TOP2B: variants seen among roughly 807,000 people sequenced by gnomAD.
The protein encoded by TOP2B is DNA topoisomerase 2-beta.
In TOP2B, 51 loss-of-function variants were observed where a neutral mutation model predicts 193.5. That is an observed-to-expected ratio of 0.26 (90% CI 0.21 to 0.33). The LOEUF (loss-of-function observed/expected upper bound fraction) is 0.33. Among genes scored for constraint, TOP2B ranks in the 10% least tolerant of loss-of-function variants. TOP2B has a pLI of 1.00. For missense variants in TOP2B, 1,378 were observed against 1,909.3 expected, an observed-to-expected ratio of 0.72 and a Z score of 5.19; for synonymous variants, 634 against 635.7, an observed-to-expected ratio of 1.00 and a Z score of 0.04.
At chr3:25,663,177 A>G (rs751255344) in intron 1 of TOP2B, among the ~76,000 whole-genome samples, 2 of 152,196 alleles carry the variant, frequency 1.3e-5, no homozygotes, top group African/African-American at 2.4e-5. Flanking sequence ...CACCCTTTTT[A>G]TAAGAAGCAG....
At chr3:25,611,873 ATATACT>A (rs1324739728) in intron 28 of TOP2B, among the ~76,000 whole-genome samples, 4 of 151,966 alleles carry the variant, frequency 2.6e-5, no homozygotes, top group African/African-American at 7.3e-5. Context: ...TTTAAAGTTG[ATATACT>A]TATGGTTGGG....
At chr3:25,638,399 A>G (rs1458588561) in intron 4 of TOP2B, 89 bp from the exon 5 acceptor site, 1 of 1,344,030 alleles carries the variant, frequency 7.4e-7, no homozygotes, top group Non-Finnish European at 9.7e-7. Flanking sequence ...ATTCATTAAA[A>G]AGTAATCTAG....
Position 25,607,238 on chromosome 3 carries a change from C to A in TOP2B, c.4231G>T (p.Val1411Phe), listed in dbSNP as rs937253830. Residue 1411 changes from valine to phenylalanine, a missense_variant, in exon 31 of 36, where the codon GTT becomes TTT. This residue lies in a region of TOP2B where 556 missense variants were observed against 584.2 expected (regional missense o/e 0.95). Transcript: ENST00000264331. ...TCTTTATCTAACCCATCTGAAGGAA[C>A]AAATTCATCTTCCCCATCATTTGTT... ...PITNDGEDEF[V>F]PSDGLDKDEY... The A allele has an allele frequency of 1.9e-6, 3 of 1,606,948 alleles. No individual in the cohort carries two copies. Among genetic ancestry groups the A allele is most frequent in the Non-Finnish European group, 1.7e-6 (2 of 1,175,878 alleles).
intron 15 of TOP2B, 101 bp downstream of exon 15, chr3:25,628,746 C>T (rs1702875985): frequency 7.4e-6 from 5 of 673,196 alleles, no homozygotes; most frequent in African/African-American, 3.7e-5. Flanking sequence ...TAGCTATTTT[C>T]GAAGTCTAAA....
chr3:25,600,136 A>T (rs1031193166), intron 34 of TOP2B, among the ~76,000 whole-genome samples: 3 of 152,220 alleles, frequency 2.0e-5, no homozygotes, highest in Non-Finnish European at 4.4e-5. Context: ...CAGCACATGC[A>T]GCATTTTTTT....
Position 25,604,851 on chromosome 3 carries a change from A to G in TOP2B, c.4398T>C (p.Ser1466=). The G allele has an allele frequency of 6.2e-7, 1 of 1,612,552 alleles. No individual in the cohort carries two copies. Among genetic ancestry groups the G allele is most frequent in the Non-Finnish European group, 8.5e-7 (1 of 1,179,182 alleles). Residue 1466 remains serine (S), a synonymous_variant, in exon 33 of 36, where the codon AGT becomes AGC. Coordinates refer to ENST00000264331, the MANE Select transcript of TOP2B (RefSeq NM_001330700.2). ...KSEDDSAKFD[S]NEEDSASVFS... ...AAACAGAAGCAGAATCTTCTTCATT[A>G]CTGTCAAATTTAGCTGAATCTAAAA... is the stretch of plus-strand genomic sequence containing the variant.
At chr3:25,655,569 GAT>G (rs540316869) in intron 1 of TOP2B, among the ~76,000 whole-genome samples, 20 of 152,136 alleles carry the variant, frequency 1.3e-4, no homozygotes, top group Admixed American at 3.3e-4. Context: ...ATCTCAAAGA[GAT>G]ATTTGCACAC....
At chr3:25,607,563 G>C (rs181087278) in intron 30 of TOP2B, among the ~76,000 whole-genome samples, 188 bp from the exon 31 acceptor site, 80 of 152,294 alleles carry the variant, frequency 5.3e-4, no homozygotes, top group Non-Finnish European at 1.0e-3. Context: ...GTTAATGTCT[G>C]TCTTACACTT....
chr3:25,648,703 CAAAA>C (rs532594609), intron 1 of TOP2B, among the ~76,000 whole-genome samples: 2 of 150,976 alleles, frequency 1.3e-5, no homozygotes, highest in Non-Finnish European at 3.0e-5. Context: ...CAAAACAAAA[CAAAA>C]AAAAATTAGC....
At position 25,629,156 on chromosome 3, in the gene TOP2B, G is replaced by A. The variant is rs1178739978; in HGVS notation, c.1690-11C>T. On this transcript the variant is annotated splice_polypyrimidine_tract_variant and intron_variant, in intron 13 of 35. Transcript: ENST00000264331. ...AGAACCATCTTGATCCTAAATAAAT[G>A]TTAGTAAAGTAAAAAATGTTGTAAT... 2.0e-6 allele frequency: 3 copies of A among 1,500,346 alleles called. No homozygotes were observed. Among genetic ancestry groups the A allele is most frequent in the South Asian group, 1.3e-5 (1 of 77,132 alleles). 92.9% of individuals were successfully genotyped at this position (1,500,346 alleles called of 1,614,324 possible).
intron 1 of TOP2B, among the ~76,000 whole-genome samples, chr3:25,649,149 A>G (rs1703507631): frequency 6.6e-6 from 1 of 152,228 alleles, no homozygotes. Context: ...GAATTTTTTT[A>G]AATCAGCAAA....
chr3:25,630,564 G>C (rs1702926454), intron 11 of TOP2B, 95 bp from the exon 12 acceptor site: 1 of 1,037,684 alleles, frequency 9.6e-7, no homozygotes, highest in Non-Finnish European at 1.4e-6. Context: ...AATGCTGACA[G>C]TGAAAGACTA....
At chr3:25,654,453 C>T (rs1479935850) in intron 1 of TOP2B, among the ~76,000 whole-genome samples, 1 of 152,088 alleles carries the variant, frequency 6.6e-6, no homozygotes, top group Non-Finnish European at 1.5e-5. Context: ...AATGGAAGGG[C>T]ATTCCATTCT....
intron 31 of TOP2B, among the ~76,000 whole-genome samples, chr3:25,606,939 C>T (rs559056549): frequency 1.3e-5 from 2 of 152,216 alleles, no homozygotes; most frequent in South Asian, 4.1e-4. Context: ...ACAATATGGC[C>T]CACGAAGCCT....
chr3:25,607,031 G>A, intron 31 of TOP2B, 140 bp downstream of exon 31: 2 of 1,247,008 alleles, frequency 1.6e-6, no homozygotes, highest in Non-Finnish European at 2.2e-6. Flanking sequence ...GGGAACAGCT[G>A]CAATATTAAC....
chr3:25,654,359 C>A (rs928874841), intron 1 of TOP2B, among the ~76,000 whole-genome samples: 2 of 151,778 alleles, frequency 1.3e-5, no homozygotes, highest in Non-Finnish European at 2.9e-5. Flanking sequence ...GGATAAACTA[C>A]CACAGAGTAA....
intron 21 of TOP2B, 139 bp downstream of exon 21, chr3:25,623,376 C>T (rs1326022310): frequency 5.3e-6 from 4 of 754,098 alleles, no homozygotes; most frequent in Non-Finnish European, 8.5e-6. Context: ...AGGCACATAT[C>T]AAATTATACC....
intron 25 of TOP2B, among the ~76,000 whole-genome samples, chr3:25,617,732 T>C (rs1702542628): frequency 6.6e-6 from 1 of 152,232 alleles, no homozygotes; most frequent in Non-Finnish European, 1.5e-5. Flanking sequence ...CACAATGTTG[T>C]ACTGTTGCTT....
chr3:25,653,378 C>T (rs909671569), intron 1 of TOP2B, among the ~76,000 whole-genome samples: 28 of 152,024 alleles, frequency 1.8e-4, no homozygotes, highest in African/African-American at 6.5e-4. Flanking sequence ...CCCAAAAATA[C>T]TGGCAAACTC....
Sources: allele counts gnomAD v4.1 joint callset (sites outside exome capture counted in the v4.1 genomes callset), GRCh38; gene constraint gnomAD v4.1.1; regional missense constraint gnomAD v4.1.1; transcripts MANE v1.5; gene names NCBI Gene and HGNC (gene_info 2026-07-23, HGNC 2026-07-21).